CEP72: variants seen among roughly 807,000 people sequenced by gnomAD.
The protein encoded by CEP72 is centrosomal protein of 72 kDa.
Under a neutral mutation model 65.7 loss-of-function variants are expected in CEP72, and 78 were observed. The observed-to-expected ratio is 1.19, with a 90% confidence interval of 0.99 to 1.43. The LOEUF (loss-of-function observed/expected upper bound fraction) is 1.43, where lower values mean the gene tolerates loss of function less well. Ranked by LOEUF, CEP72 falls within the 40% of genes most tolerant of loss-of-function variation. The pLI is 0.00. For missense variants in CEP72, 914 were observed against 832.9 expected (o/e 1.10, Z -1.20); for synonymous variants, 358 against 351.7 (o/e 1.02, Z -0.20).
At position 623,440 on chromosome 5, in the gene CEP72, G is replaced by A. The variant is rs565445022; in HGVS notation, c.404-1031G>A. The stretch of plus-strand genomic sequence containing the variant: ...GGCCTGCGTGTGGGATGGAGGCGGC[G>A]TCTGGAGAGACCTTGCCAGCAGGAG... On this transcript the variant is annotated intron_variant, in intron 3 of 11. Coordinates refer to ENST00000264935, the MANE Select transcript of CEP72 (RefSeq NM_018140.4). The surrounding 1 kb of genome is among the most constrained non-coding windows in gnomAD (Gnocchi z 5.3). Among the ~76,000 whole-genome samples the A allele has an allele frequency of 3.3e-5, 5 of 152,256 alleles. No homozygotes were observed. Among genetic ancestry groups the A allele is most frequent in the African/African-American group, 9.6e-5 (4 of 41,460 alleles).
At chr5:673,974 C>T in the CEP72 span, among the ~76,000 whole-genome samples, 1 of 152,222 alleles carries the variant, frequency 6.6e-6, no homozygotes, top group African/African-American at 2.4e-5. Context: ...TGTGCATGCA[C>T]ACATGCGCCA....
downstream of CEP72, among the ~76,000 whole-genome samples, chr5:658,825 C>T (rs1250833553): frequency 3.3e-5 from 5 of 151,768 alleles, no homozygotes; most frequent in Non-Finnish European, 7.4e-5. Context: ...CCCGCCACCA[C>T]GCCTGGCTAA....
chr5:644,821 G>A (rs1318235307), intron 10 of CEP72, among the ~76,000 whole-genome samples: 1 of 152,194 alleles, frequency 6.6e-6, no homozygotes, highest in Non-Finnish European at 1.5e-5. Context: ...CAGCGTCTCA[G>A]CGTTACAGAT....
At position 633,399 on chromosome 5, in the gene CEP72, C is replaced by T. The variant is rs150236328; in HGVS notation, c.513-370C>T. Among the ~76,000 whole-genome samples the T allele has an allele frequency of 3.0e-3, 436 of 145,400 alleles. 10 individuals are homozygous for T. The highest frequency in any genetic ancestry group is 0.017 in the East Asian group (83 of 4,918). On this transcript the variant is annotated intron_variant, in intron 4 of 11. Coordinates refer to ENST00000264935, the MANE Select transcript of CEP72 (RefSeq NM_018140.4). The stretch of plus-strand genomic sequence containing the variant: ...GTTCTGTCCAGTGCTGGATTTGACC[C>T]AGTCCTGGTGGGGTGCTGTCCAGTG...
intron 2 of CEP72, chr5:665,012 C>T (rs1291465388): frequency 6.7e-5 from 99 of 1,467,574 alleles, no homozygotes; most frequent in Non-Finnish European, 9.1e-5. Flanking sequence ...CTGAGTTCTG[C>T]CCCAGTTAGT....
At chr5:637,878 T>TA in intron 7 of CEP72, 60 bp downstream of exon 7, 6 of 1,431,766 alleles carry the variant, frequency 4.2e-6, no homozygotes, top group Non-Finnish European at 5.6e-6. Flanking sequence ...GTGGGGCTGT[T>TA]ACGGCTTTGG....
chr5:612,343 C>G lies in CEP72; in HGVS notation c.-19C>G, dbSNP rs1372664365. The stretch of plus-strand genomic sequence containing the variant: ...CCCCGCCCGCCGCGCAGGCGCCGTC[C>G]GAGGGCTCCGTTTGAAACATGGCGC... On this transcript the variant is annotated 5_prime_UTR_variant, in exon 1 of 12. Coordinates refer to ENST00000264935, the MANE Select transcript of CEP72 (RefSeq NM_018140.4). 1.3e-6 allele frequency: 2 copies of G among 1,483,984 alleles called. No homozygotes were observed. The highest frequency in any genetic ancestry group is 1.8e-6 in the Non-Finnish European group (2 of 1,122,674). The allele number at this position is 1,483,984 out of a possible 1,614,324, so 91.9% of individuals were successfully genotyped here.
At chr5:612,627 G>T (rs1313040330) in intron 1 of CEP72, 184 bp downstream of exon 1, 17 of 985,366 alleles carry the variant, frequency 1.7e-5, no homozygotes, top group Non-Finnish European at 2.0e-5. Context: ...CCCGTGCCCA[G>T]GTGCGGCCCC....
chr5:657,179 C>T (rs1400864958), downstream of CEP72: 1 of 152,162 alleles, frequency 6.6e-6, no homozygotes, highest in Non-Finnish European at 1.5e-5. Flanking sequence ...GCTATACTAC[C>T]TAGCACCTGT....
exon 4 of CEP72, chr5:665,992 G>A (rs139757569): frequency 9.4e-6 from 15 of 1,601,100 alleles, no homozygotes; most frequent in South Asian, 5.5e-5. Context: ...GATGATGGGC[G>A]CCTTGCCCTC....
chr5:653,257 C>A lies in CEP72; in HGVS notation c.*104C>A. 8.7e-7 allele frequency: 1 copy of A among 1,146,748 alleles called. No homozygotes were observed. The highest frequency in any genetic ancestry group is 1.2e-6 in the Non-Finnish European group (1 of 852,382). 71.0% of individuals were successfully genotyped at this position (1,146,748 alleles called of 1,614,324 possible). On this transcript the variant is annotated 3_prime_UTR_variant, in exon 12 of 12. Transcript: ENST00000264935. ...GTGTACTGGCTGGCAAGAGTTCTCT[C>A]TTCTGTTGGTAATTATTTAGGATTT... is the stretch of plus-strand genomic sequence containing the variant.
intron 1 of CEP72, 22 bp downstream of exon 1, chr5:612,465 G>A (rs1735730094): frequency 1.4e-6 from 2 of 1,427,992 alleles, no homozygotes; most frequent in Non-Finnish European, 1.8e-6. Context: ...GGCGGGCGGG[G>A]GTGCAAGCGT....
At chr5:663,080 T>TCG (rs1189148657) in intron 1 of CEP72, 1 of 150,446 alleles carries the variant, frequency 6.6e-6, no homozygotes. Flanking sequence ...CGATGACTGC[T>TCG]TGTCTGTGAT....
chr5:642,865 G>C, intron 9 of CEP72: 1 of 985,470 alleles, frequency 1.0e-6, no homozygotes, highest in Non-Finnish European at 1.2e-6. Flanking sequence ...ACTCTGCCAC[G>C]TGAGGACGCT....
chr5:635,482 A>G lies in CEP72; in HGVS notation c.802A>G (p.Met268Val). ...CTGCAGAGGGTGCTGTCTGGAGAAG[A>G]TGCCTTGGAGCCAGCTCTGTGGAGA... ...SSCRGCCLEK[M>V]PWSQLCGELP... Residue 268 changes from methionine to valine, a missense_variant, in exon 6 of 12, where the codon ATG (methionine) becomes GTG (valine). By Grantham distance (21) the Met-to-Val change is conservative. Transcript: ENST00000264935. The G allele has an allele frequency of 1.9e-6, 3 of 1,614,138 alleles. No homozygotes were observed. The highest frequency in any genetic ancestry group is 2.2e-5 in the South Asian group (2 of 91,078).
downstream of CEP72, among the ~76,000 whole-genome samples, chr5:668,376 G>A (rs186852325): frequency 5.8e-5 from 6 of 103,876 alleles, no homozygotes; most frequent in Admixed American, 9.0e-5. Context: ...AGAGGGGTCC[G>A]CGTGGGCCTC....
At chr5:613,006 A>G (rs1034898613) in intron 1 of CEP72, among the ~76,000 whole-genome samples, 1 of 152,250 alleles carries the variant, frequency 6.6e-6, no homozygotes, top group African/African-American at 2.4e-5. Context: ...CAGTGAAACC[A>G]TATGGACATG....
chr5:641,309 A>G (rs1227543756), intron 9 of CEP72: 2 of 985,308 alleles, frequency 2.0e-6, no homozygotes, highest in East Asian at 1.1e-4. Context: ...AGCCACACCC[A>G]GGCAGAAGCC....
chr5:629,646 C>T (rs374530796), intron 4 of CEP72, among the ~76,000 whole-genome samples: 2 of 70,302 alleles, frequency 2.8e-5, no homozygotes, highest in African/African-American at 7.1e-5. Flanking sequence ...CTGTCCAGTG[C>T]CGGGATTTGA....
Sources: allele counts gnomAD v4.1 joint callset (sites outside exome capture counted in the v4.1 genomes callset), GRCh38; gene constraint gnomAD v4.1.1; non-coding constraint Gnocchi (gnomAD v3.1); transcripts MANE v1.5; gene names NCBI Gene and HGNC (gene_info 2026-07-23, HGNC 2026-07-21).